TBC1D32: variants seen among roughly 807,000 people sequenced by gnomAD.
TBC1D32 encodes the protein TBC1 domain family member 32.
A neutral mutation model predicts 170.3 loss-of-function variants in TBC1D32; 151 were observed. The ratio of observed to expected loss-of-function variants is 0.89; its 90% CI spans 0.78 to 1.01. The LOEUF (loss-of-function observed/expected upper bound fraction) is 1.01. Among genes scored for constraint, TBC1D32 ranks in the 50% least tolerant of loss-of-function variants. TBC1D32 has a pLI of 0.00. For synonymous variants in TBC1D32, 498 were observed against 488.0 expected (o/e 1.02, Z -0.27); for missense variants, 1,464 against 1,457.1 (o/e 1.00, Z -0.08).
chr6:121,230,493 A>C (rs560294310), intron 20 of TBC1D32, among the ~76,000 whole-genome samples: 79 of 152,232 alleles, frequency 5.2e-4, no homozygotes, highest in Non-Finnish European at 9.1e-4. Context: ...TTCAGTACAG[A>C]CAGTTATCAA....
At chr6:121,172,505 A>T (rs1401292701) in intron 22 of TBC1D32, among the ~76,000 whole-genome samples, 1 of 152,114 alleles carries the variant, frequency 6.6e-6, no homozygotes, top group East Asian at 1.9e-4. Context: ...CAGGACTACA[A>T]ATGGCTCAGA....
chr6:121,306,106 G>A (rs1807286278), intron 5 of TBC1D32, among the ~76,000 whole-genome samples: 2 of 152,102 alleles, frequency 1.3e-5, no homozygotes, highest in Non-Finnish European at 2.9e-5. Flanking sequence ...AAATGTTAAA[G>A]ATAACCCTGA....
At chr6:121,213,955 G>T (rs571612376) in intron 21 of TBC1D32, among the ~76,000 whole-genome samples, 2 of 152,214 alleles carry the variant, frequency 1.3e-5, no homozygotes, top group Admixed American at 6.5e-5. Flanking sequence ...CAATGGAAAA[G>T]AATAGAAAGC....
intron 21 of TBC1D32, among the ~76,000 whole-genome samples, chr6:121,215,741 T>C (rs558236433): frequency 6.6e-6 from 1 of 151,466 alleles, no homozygotes; most frequent in Non-Finnish European, 1.5e-5. Flanking sequence ...CCAAGAAGCA[T>C]ACGAAAAAAG....
Position 121,080,648 on chromosome 6 carries a change from T to C in TBC1D32, c.*123A>G. On this transcript the variant is annotated 3_prime_UTR_variant, in exon 32 of 32. Transcript: ENST00000398212. ...ACCTACTTAAATATATCGTTATACTTCTCAGTATTTACAATATGTATATTC... is the reference window on the plus strand; with the variant it reads ...ACCTACTTAAATATATCGTTATACTCCTCAGTATTTACAATATGTATATTC... 1 of 1,244,424 alleles carries C rather than the reference T, an allele frequency of 8.0e-7. No homozygotes were observed. The highest frequency in any genetic ancestry group is 1.1e-6 in the Non-Finnish European group (1 of 912,578). 77.1% of individuals were successfully genotyped at this position (1,244,424 alleles called of 1,614,324 possible). A position where few individuals can be genotyped will look rare whatever the true frequency, so the allele number is the denominator to read the frequency against.
At chr6:121,130,863 A>G (rs2128217063) in intron 25 of TBC1D32, among the ~76,000 whole-genome samples, 2 of 152,154 alleles carry the variant, frequency 1.3e-5, no homozygotes, top group East Asian at 3.9e-4. Flanking sequence ...CTGGGGGGAT[A>G]AAACATAGTT....
intron 23 of TBC1D32, among the ~76,000 whole-genome samples, chr6:121,160,636 C>A (rs1442213334): frequency 6.6e-6 from 1 of 151,916 alleles, no homozygotes; most frequent in Non-Finnish European, 1.5e-5. Flanking sequence ...AGTTAAGTAT[C>A]ATGAATGAGA....
chr6:121,085,210 C>CAT (rs1236766126), intron 31 of TBC1D32, among the ~76,000 whole-genome samples: 1 of 147,352 alleles, frequency 6.8e-6, no homozygotes. Context: ...TATATATACA[C>CAT]ATATATATAC....
chr6:121,324,501 A>G (rs975015184), intron 1 of TBC1D32, among the ~76,000 whole-genome samples: 1 of 152,182 alleles, frequency 6.6e-6, no homozygotes, highest in African/African-American at 2.4e-5. Flanking sequence ...ATAACATTAG[A>G]TTGAAATAGC....
chr6:121,326,818 A>G (rs1421051867), intron 1 of TBC1D32, among the ~76,000 whole-genome samples: 1 of 152,116 alleles, frequency 6.6e-6, no homozygotes, highest in Non-Finnish European at 1.5e-5. Flanking sequence ...CAATGAAAGG[A>G]CTGCCAGGCT....
chr6:121,105,219 A>T (rs1778566723), intron 30 of TBC1D32, among the ~76,000 whole-genome samples: 1 of 151,962 alleles, frequency 6.6e-6, no homozygotes, highest in African/African-American at 2.4e-5. Context: ...AAAGGGTAAC[A>T]ATTTTCACCT....
intron 1 of TBC1D32, among the ~76,000 whole-genome samples, chr6:121,325,062 A>G (rs1031108135): frequency 6.6e-6 from 1 of 152,128 alleles, no homozygotes; most frequent in Admixed American, 6.6e-5. Context: ...ATACAAAAAA[A>G]TTAGCTGGGC....
In TBC1D32 at chr6:121,255,314, T is replaced by C. The variant is rs769998598; in HGVS notation, c.2018+14A>G. ...AAATATAATAAATGCATGACTTTCA[T>C]CAATTGTACTTACATGTTTTGGGAT... On this transcript the variant is annotated intron_variant, in intron 17 of 31. Coordinates refer to ENST00000398212, the MANE Select transcript of TBC1D32 (RefSeq NM_152730.6). 3.4e-6 allele frequency: 5 copies of C among 1,477,654 alleles called. No individual in the cohort carries two copies. Among genetic ancestry groups the C allele is most frequent in the Non-Finnish European group, 4.6e-6 (5 of 1,081,666 alleles). The allele number at this position is 1,477,654 out of a possible 1,614,324, so 91.5% of individuals were successfully genotyped here. A position where few individuals can be genotyped will look rare whatever the true frequency, so the allele number is the denominator to read the frequency against.
intron 22 of TBC1D32, among the ~76,000 whole-genome samples, chr6:121,178,476 G>C (rs1029739221): frequency 6.6e-6 from 1 of 152,092 alleles, no homozygotes; most frequent in Non-Finnish European, 1.5e-5. Context: ...AAAGAAACCA[G>C]TTAAAAAGCT....
chr6:121,211,902 A>C (rs1476349244), intron 21 of TBC1D32, among the ~76,000 whole-genome samples: 2 of 151,956 alleles, frequency 1.3e-5, no homozygotes. Flanking sequence ...GCTCCACTCA[A>C]CACTGCACAC....
At chr6:121,118,039 G>C (rs1246235745) in intron 26 of TBC1D32, among the ~76,000 whole-genome samples, 1 of 152,066 alleles carries the variant, frequency 6.6e-6, no homozygotes, top group Admixed American at 6.6e-5. Flanking sequence ...GTAATTAATT[G>C]ATCTAGGAAA....
chr6:121,205,625 T>C (rs1792151170), intron 21 of TBC1D32, among the ~76,000 whole-genome samples: 1 of 152,216 alleles, frequency 6.6e-6, no homozygotes, highest in African/African-American at 2.4e-5. Context: ...ATAGAGACTA[T>C]CTGCCTCATG....
At chr6:121,092,962 A>C (rs985741219) in intron 30 of TBC1D32, among the ~76,000 whole-genome samples, 1 of 152,142 alleles carries the variant, frequency 6.6e-6, no homozygotes, top group Non-Finnish European at 1.5e-5. Flanking sequence ...ATTAACCTTT[A>C]AATAAGGCTA....
rs182840219 is a variant in TBC1D32 at position 121,135,339 on chromosome 6, A to C, written c.2774-3587T>G. ...TAATCAGGAAAAAAAGAATATTAAA[A>C]AAAGTTTTCCTTCTGGCCACGATGG... On this transcript the variant is annotated intron_variant, in intron 24 of 31. Coordinates refer to ENST00000398212, the MANE Select transcript of TBC1D32 (RefSeq NM_152730.6). Among the ~76,000 whole-genome samples the C allele has an allele frequency of 3.8e-3, 580 of 152,308 alleles. 2 individuals are homozygous for C. Among genetic ancestry groups the C allele is most frequent in the Non-Finnish European group, 6.8e-3 (462 of 68,006 alleles).
Sources: gnomAD v4.1 joint callset for allele counts (sites outside exome capture counted in the v4.1 genomes callset) on GRCh38, gnomAD v4.1.1 for gene constraint, MANE v1.5 for transcripts, NCBI Gene and HGNC (gene_info 2026-07-23, HGNC 2026-07-21) for gene names.